The following LIPK variants were observed in gnomAD, a reference collection of about 807,000 sequenced individuals.
LIPK encodes lipase member K.
Under a neutral mutation model 48.6 loss-of-function variants are expected in LIPK, and 32 were observed. That is an observed-to-expected ratio of 0.66 (90% confidence interval 0.50 to 0.88). LIPK has a LOEUF of 0.88. Ranked by LOEUF, LIPK falls within the 40% of genes least tolerant of loss-of-function variation. The pLI is 0.00. For missense variants in LIPK, 507 were observed against 478.5 expected (o/e 1.06, Z -0.56); for synonymous variants, 164 against 157.4 (o/e 1.04, Z -0.32).
intron 3 of LIPK, among the ~76,000 whole-genome samples, chr10:88,729,259 G>GGGT (rs1554955659): frequency 7.3e-6 from 1 of 137,202 alleles, no homozygotes; most frequent in African/African-American, 2.5e-5. Context: ...TGTTGGGGGG[G>GGGT]GGGGGCGGGG....
chr10:88,737,723 G>A lies in LIPK; in HGVS notation c.758G>A (p.Arg253His), dbSNP rs201530110. The change falls in exon 7 of 10, where the codon CGT (arginine) becomes CAT (histidine). Residue 253 changes from arginine (R) to histidine (H), a missense_variant. Coordinates refer to ENST00000404190, the MANE Select transcript of LIPK (RefSeq NM_001080518.2). The part of the protein sequence containing the change: ...TKVCNRKLFR[R>H]ICSNFLFTLS... ...GTGTGCAATCGAAAGCTATTCCGTC[G>A]TATTTGCAGCAACTTCCTATTTACT... The A allele has an allele frequency of 1.3e-4, 204 of 1,613,832 alleles. No homozygotes were observed. The highest frequency in any genetic ancestry group is 1.7e-4 in the Non-Finnish European group (196 of 1,179,772).
At chr10:88,711,041 C>T (rs1261230984) in intron 1 of LIPK, among the ~76,000 whole-genome samples, 3 of 152,158 alleles carry the variant, frequency 2.0e-5, no homozygotes, top group African/African-American at 7.2e-5. Context: ...GCATTTCTTT[C>T]TGATGACTAA....
intron 2 of LIPK, 120 bp from the exon 3 acceptor site, chr10:88,726,675 C>G (rs1842348533): frequency 6.3e-6 from 4 of 637,592 alleles, no homozygotes; most frequent in Non-Finnish European, 1.1e-5. Flanking sequence ...GCCCAGGGAA[C>G]ACAGTGAGAC....
chr10:88,712,184 ATCT>A (rs1842038358), intron 1 of LIPK, among the ~76,000 whole-genome samples: 1 of 152,180 alleles, frequency 6.6e-6, no homozygotes, highest in African/African-American at 2.4e-5. Context: ...GATTTTACAG[ATCT>A]TCTGCTCAAT....
intron 9 of LIPK, among the ~76,000 whole-genome samples, chr10:88,747,152 C>A (rs1374372374): frequency 1.3e-5 from 2 of 152,068 alleles, no homozygotes; most frequent in African/African-American, 4.8e-5. Context: ...AGCCCTGGAC[C>A]AGAATGAATT....
chr10:88,724,015 T>C (rs1382368294), intron 1 of LIPK, among the ~76,000 whole-genome samples: 5 of 152,190 alleles, frequency 3.3e-5, no homozygotes. Context: ...CCAGTGTTTA[T>C]ATACACGTCA....
At chr10:88,742,532 G>C (rs1242415673) in intron 8 of LIPK, among the ~76,000 whole-genome samples, 1 of 152,202 alleles carries the variant, frequency 6.6e-6, no homozygotes. Context: ...TCCTATATGG[G>C]TGGCAAATAA....
At chr10:88,748,585 C>G (rs1842809931) in intron 9 of LIPK, among the ~76,000 whole-genome samples, 1 of 150,386 alleles carries the variant, frequency 6.6e-6, no homozygotes, top group Non-Finnish European at 1.5e-5. Flanking sequence ...CCATGGCACT[C>G]CAGCCTAAGT....
At chr10:88,752,487 A>T in intron 9 of LIPK, 30 bp from the exon 10 acceptor site, 1 of 1,487,994 alleles carries the variant, frequency 6.7e-7, no homozygotes, top group Admixed American at 2.0e-5. Flanking sequence ...TTCTGTAAAA[A>T]CTTTTCTCTC....
intron 1 of LIPK, among the ~76,000 whole-genome samples, chr10:88,710,118 T>G (rs1338516923): frequency 6.6e-6 from 1 of 151,898 alleles, no homozygotes; most frequent in African/African-American, 2.4e-5. Context: ...AATGGACTTA[T>G]CTACAAGATT....
chr10:88,742,604 C>T (rs1384282596), intron 8 of LIPK, among the ~76,000 whole-genome samples: 2 of 152,140 alleles, frequency 1.3e-5, no homozygotes, highest in Middle Eastern at 3.2e-3. Context: ...AGTTTCAATA[C>T]CAAAATGCAA....
rs375206748 is a variant in LIPK, at chr10:88,728,523, C to T, written c.223+1611C>T. On this transcript the variant is annotated intron_variant, in intron 3 of 9. Coordinates refer to ENST00000404190, the MANE Select transcript of LIPK (RefSeq NM_001080518.2). ...CCGCCATTAAGGACTCAACGCTGAG[C>T]CTGCAGAGCTGGAGGCCGCCCTATA... The T allele has an allele frequency of 4.7e-4, 141 of 298,698 alleles. No individual in the cohort carries two copies. The East Asian group carries it at 9.0e-3, about 19-fold the overall frequency. The allele number at this position is 298,698 out of a possible 1,614,324, so 18.5% of individuals were successfully genotyped here.
intron 9 of LIPK, among the ~76,000 whole-genome samples, chr10:88,745,945 C>T (rs1842758668): frequency 6.6e-6 from 1 of 151,972 alleles, no homozygotes; most frequent in Non-Finnish European, 1.5e-5. Context: ...ATCTATCAAA[C>T]AAATGGAAAA....
In LIPK at chr10:88,739,916, AC is replaced by A; in HGVS notation, c.817-79del. 6 of 827,812 alleles carry A rather than the reference AC, an allele frequency of 7.2e-6. No homozygotes were observed. In the South Asian group the frequency reaches 7.7e-5, roughly 11 times the overall value. 51.3% of individuals were successfully genotyped at this position (827,812 alleles called of 1,614,324 possible). ...GAAAGGGAAAAGAGGAAAAGAAGAA[AC>A]TTTTTAAATTTCTCTCAAATGTTTA... On this transcript the variant is annotated intron_variant, in intron 7 of 9. Transcript: ENST00000404190.
At chr10:88,721,478 G>A (rs1392253279) in intron 1 of LIPK, among the ~76,000 whole-genome samples, 1 of 152,202 alleles carries the variant, frequency 6.6e-6, no homozygotes, top group Non-Finnish European at 1.5e-5. Flanking sequence ...TTGCTGCGGT[G>A]TGTCATCCTT....
intron 6 of LIPK, among the ~76,000 whole-genome samples, chr10:88,733,836 C>T (rs1477794059): frequency 2.6e-5 from 4 of 152,168 alleles, no homozygotes; most frequent in African/African-American, 9.7e-5. Context: ...CTTCAAGGCC[C>T]TGGCATTAGG....
intron 1 of LIPK, among the ~76,000 whole-genome samples, chr10:88,717,009 G>C (rs936732392): frequency 2.6e-5 from 4 of 152,166 alleles, no homozygotes; most frequent in Non-Finnish European, 4.4e-5. Flanking sequence ...TGGGGAAAGA[G>C]ACCAGTGCAT....
chr10:88,731,318 T>C, intron 4 of LIPK, 137 bp downstream of exon 4: 1 of 714,062 alleles, frequency 1.4e-6, no homozygotes, highest in Non-Finnish European at 2.1e-6. Context: ...TTTCTTTCTC[T>C]ACCCAAACTT....
At chr10:88,707,833 A>G (rs1163901806) in intron 1 of LIPK, among the ~76,000 whole-genome samples, 1 of 152,148 alleles carries the variant, frequency 6.6e-6, no homozygotes, top group Non-Finnish European at 1.5e-5. Context: ...GGTGGGGGAA[A>G]AACAGGGAAG....
Sources: allele counts gnomAD v4.1 joint callset (sites outside exome capture counted in the v4.1 genomes callset), GRCh38; gene constraint gnomAD v4.1.1; transcripts MANE v1.5; gene names NCBI Gene and HGNC (gene_info 2026-07-23, HGNC 2026-07-21).